IL1RAPL2: variants seen among roughly 807,000 people sequenced by gnomAD.
IL1RAPL2 encodes interleukin 1 receptor accessory protein like 2.
IL1RAPL2 carries 3 observed loss-of-function variants against 44.1 expected under a neutral mutation model. The observed-to-expected ratio is 0.07, with a 90% CI of 0.03 to 0.18. IL1RAPL2 has a LOEUF of 0.18. IL1RAPL2 is among the 10% of genes least tolerant of loss of function. IL1RAPL2 has a pLI of 1.00. For missense variants in IL1RAPL2, 391 were observed against 496.4 expected, an observed-to-expected ratio of 0.79 and a Z score of 2.02; for synonymous variants, 181 against 178.8, an observed-to-expected ratio of 1.01 and a Z score of -0.10.
intron 6 of IL1RAPL2, among the ~76,000 whole-genome samples, chrX:105,637,465 A>G (rs1395427171): frequency 9.1e-6 from 1 of 110,371 alleles, no homozygotes; most frequent in Non-Finnish European, 1.9e-5. Context: ...TAAATTTTAC[A>G]GAGGAAATTT....
chrX:104,714,480 G>C (rs377339795), intron 2 of IL1RAPL2, among the ~76,000 whole-genome samples: 12 of 110,431 alleles, frequency 1.1e-4, no homozygotes, highest in Admixed American at 6.7e-4. Flanking sequence ...CTCTTCCTTC[G>C]GCTCTCATTC....
intron 5 of IL1RAPL2, among the ~76,000 whole-genome samples, chrX:105,334,862 C>T (rs753052898): frequency 1.6e-3 from 174 of 110,281 alleles, no homozygotes; most frequent in Non-Finnish European, 1.9e-3. Context: ...CATATACCAT[C>T]CTTCACACAT....
chrX:105,646,133 G>T (rs1054787983), intron 6 of IL1RAPL2, among the ~76,000 whole-genome samples: 3 of 111,510 alleles, frequency 2.7e-5, no homozygotes, highest in African/African-American at 9.8e-5. Flanking sequence ...GTTCAGAGCT[G>T]CTTAGCACTC....
intron 2 of IL1RAPL2, among the ~76,000 whole-genome samples, chrX:104,836,120 G>A (rs922714897): frequency 9.0e-6 from 1 of 111,618 alleles, no homozygotes; most frequent in Admixed American, 9.6e-5. Flanking sequence ...AACATAGATG[G>A]AACTGGAGGT....
chrX:105,724,269 T>C (rs1377018655), intron 7 of IL1RAPL2, among the ~76,000 whole-genome samples: 1 of 111,609 alleles, frequency 9.0e-6, no homozygotes, highest in Admixed American at 9.6e-5. Flanking sequence ...TAATGTCACT[T>C]GGACTTCAGT....
At chrX:104,898,002 G>A (rs989742796) in intron 2 of IL1RAPL2, among the ~76,000 whole-genome samples, 4 of 112,110 alleles carry the variant, frequency 3.6e-5, no homozygotes, top group Non-Finnish European at 7.5e-5. Flanking sequence ...AGACTTAACT[G>A]AGATGGCTGA....
At chrX:105,006,709 C>G (rs1287340810) in intron 2 of IL1RAPL2, among the ~76,000 whole-genome samples, 1 of 110,988 alleles carries the variant, frequency 9.0e-6, no homozygotes, top group Non-Finnish European at 1.9e-5. Context: ...TTAAGCTCAG[C>G]TGGAATCCTA....
chrX:104,649,282 A>C (rs1191599490), intron 1 of IL1RAPL2, among the ~76,000 whole-genome samples: 1 of 111,757 alleles, frequency 8.9e-6, no homozygotes, highest in South Asian at 3.7e-4. Context: ...GTTATTTTCA[A>C]ATGACAGAAG....
intron 6 of IL1RAPL2, among the ~76,000 whole-genome samples, chrX:105,621,586 G>A (rs2147831258): frequency 9.0e-6 from 1 of 111,399 alleles, no homozygotes; most frequent in Non-Finnish European, 1.9e-5. Context: ...ACACAGTTCT[G>A]AAAGGCTCAG....
chrX:105,591,797 T>C (rs948495114), intron 6 of IL1RAPL2, among the ~76,000 whole-genome samples: 5 of 111,838 alleles, frequency 4.5e-5, no homozygotes, highest in South Asian at 7.5e-4. Flanking sequence ...TGGTATGATA[T>C]CATTTTTTAA....
intron 5 of IL1RAPL2, among the ~76,000 whole-genome samples, chrX:105,382,461 C>G (rs1350732360): frequency 9.3e-6 from 1 of 108,045 alleles, no homozygotes; most frequent in African/African-American, 3.5e-5. Context: ...ATTAAAAAGT[C>G]AGGAAACAAC....
intron 2 of IL1RAPL2, among the ~76,000 whole-genome samples, chrX:105,105,076 G>C (rs1023512099): frequency 2.7e-5 from 3 of 111,815 alleles, no homozygotes; most frequent in African/African-American, 9.8e-5. Flanking sequence ...CAATTGAATG[G>C]ATGAATTTTT....
chrX:105,436,693 G>A (rs2035884254), intron 5 of IL1RAPL2, among the ~76,000 whole-genome samples: 1 of 110,883 alleles, frequency 9.0e-6, no homozygotes, highest in East Asian at 2.9e-4. Context: ...TAGGTGGGAT[G>A]CCAAGCAACA....
chrX:105,250,788 A>C (rs939151715), intron 4 of IL1RAPL2, among the ~76,000 whole-genome samples: 22 of 111,100 alleles, frequency 2.0e-4, no homozygotes, highest in African/African-American at 6.8e-4. Context: ...ATTGGAAAAA[A>C]GCATTCATGA....
At chrX:105,749,190 A>C (rs770156631) in intron 9 of IL1RAPL2, 87 bp downstream of exon 9, 1 of 961,143 alleles carries the variant, frequency 1.0e-6, no homozygotes, top group African/African-American at 1.9e-5. Context: ...AGAAAGTATA[A>C]GCTGAAATAT....
intron 2 of IL1RAPL2, among the ~76,000 whole-genome samples, chrX:104,899,940 G>A (rs750831536): frequency 3.6e-5 from 4 of 112,430 alleles, no homozygotes; most frequent in African/African-American, 1.3e-4. Context: ...CTCTAGAGAT[G>A]AGAAGTGTGA....
chrX:105,530,867 T>C (rs747424221), intron 6 of IL1RAPL2, among the ~76,000 whole-genome samples: 1 of 110,880 alleles, frequency 9.0e-6, no homozygotes, highest in South Asian at 3.8e-4. Flanking sequence ...TTATTTCACT[T>C]AACATAATGA....
At chrX:104,991,910 G>GA in intron 2 of IL1RAPL2, among the ~76,000 whole-genome samples, 1 of 111,566 alleles carries the variant, frequency 9.0e-6, no homozygotes. Flanking sequence ...GAGCAAAACC[G>GA]AAAATAATCT....
At chrX:104,630,371 A>T (rs1363754319) in intron 1 of IL1RAPL2, among the ~76,000 whole-genome samples, 1 of 108,984 alleles carries the variant, frequency 9.2e-6, no homozygotes, top group Non-Finnish European at 1.9e-5. Context: ...CTGCTCTCGA[A>T]CTCCTGACCT....
Sources: allele counts gnomAD v4.1 joint callset (sites outside exome capture counted in the v4.1 genomes callset), GRCh38; gene constraint gnomAD v4.1.1; transcripts MANE v1.5; gene names NCBI Gene and HGNC (gene_info 2026-07-23, HGNC 2026-07-21).